TMEM37: variants seen among roughly 807,000 people sequenced by gnomAD.
The protein encoded by TMEM37 is transmembrane protein 37.
Under a neutral mutation model 11.0 loss-of-function variants are expected in TMEM37, and 12 were observed. The ratio of observed to expected loss-of-function variants is 1.09; its 90% confidence interval spans 0.70 to 1.76. The LOEUF (loss-of-function observed/expected upper bound fraction) is 1.76, where lower values mean the gene tolerates loss of function less well. Among genes scored for constraint, TMEM37 ranks in the 40% most tolerant of loss-of-function variants. The pLI is 0.00. For synonymous variants in TMEM37, 127 were observed against 110.5 expected, an observed-to-expected ratio of 1.15 and a Z score of -0.94; for missense variants, 203 against 251.2, an observed-to-expected ratio of 0.81 and a Z score of 1.30.
chr2:119,431,361 C>A (rs1448228669), upstream of TMEM37, among the ~76,000 whole-genome samples: 1 of 152,228 alleles, frequency 6.6e-6, no homozygotes, highest in Non-Finnish European at 1.5e-5. Context: ...CTTTCACATT[C>A]ATTATTTCCC....
Position 119,436,891 on chromosome 2 carries a change from C to G in TMEM37, c.24C>G (p.Ala8=). Residue 8 remains alanine (A), a splice_region_variant and synonymous_variant, in exon 2 of 2, where the codon GCC becomes GCG. Transcript: ENST00000306406. ...GTGCTTCCTACGGTTTTTTCCAGGC[C>G]CAGAGGCCTTTGGGCCAAAGGCAGC... MTAVGVQ[A]QRPLGQRQPR... 1 of 1,611,212 alleles carries G rather than the reference C, an allele frequency of 6.2e-7. No homozygotes were observed. The highest frequency in any genetic ancestry group is 8.5e-7 in the Non-Finnish European group (1 of 1,178,590).
In TMEM37 at chr2:119,437,171, G is replaced by T; in HGVS notation, c.304G>T (p.Ala102Ser). Residue 102 changes from alanine (A) to serine (S), a missense_variant, in exon 2 of 2, where the codon GCC (alanine) becomes TCC (serine). Ala to Ser is a moderately conservative substitution (Grantham distance 99). Coordinates refer to ENST00000306406, the MANE Select transcript of TMEM37 (RefSeq NM_183240.3). Reference sequence around the variant, plus strand: ...CGTGGGCGCCTTGGCCGTGGTGGCCGCCATTTTTGGCCTGGAGTTCCTCAT... The same window carrying T: ...CGTGGGCGCCTTGGCCGTGGTGGCCTCCATTTTTGGCCTGGAGTTCCTCAT... ...RSVGALAVVA[A>S]IFGLEFLMVS... The T allele has an allele frequency of 1.2e-6, 2 of 1,614,234 alleles. No individual in the cohort carries two copies. Among genetic ancestry groups the T allele is most frequent in the South Asian group, 2.2e-5 (2 of 91,088 alleles).
chr2:119,436,663 G>A (rs2587661), intron 1 of TMEM37, among the ~76,000 whole-genome samples: 96,396 of 151,538 alleles, frequency 0.64, 31,025 homozygotes, highest in Non-Finnish European at 0.69. Flanking sequence ...AGGTCAGGAA[G>A]CTCTTAGTGC....
intron 1 of TMEM37, among the ~76,000 whole-genome samples, chr2:119,434,900 T>C (rs1300299139): frequency 6.6e-6 from 1 of 152,180 alleles, no homozygotes; most frequent in African/African-American, 2.4e-5. Flanking sequence ...GGGAGGGCTG[T>C]AAGGGCTCAG....
Position 119,437,470 on chromosome 2 carries a change from C to T in TMEM37, c.*30C>T, listed in dbSNP as rs146624124. 233 of 1,585,296 alleles carry T rather than the reference C, an allele frequency of 1.5e-4. No homozygotes were observed. The East Asian group carries it at 2.3e-3, about 16-fold the overall frequency. On this transcript the variant is annotated 3_prime_UTR_variant, in exon 2 of 2. Coordinates refer to ENST00000306406, the MANE Select transcript of TMEM37 (RefSeq NM_183240.3). ...GGAAATTTTAGGCCCCCTCCAGGGACATCAGATTCCACAAGAAAATATGGT... is the reference window on the plus strand; with the variant it reads ...GGAAATTTTAGGCCCCCTCCAGGGATATCAGATTCCACAAGAAAATATGGT...
upstream of TMEM37, chr2:119,430,161 G>A (rs931355194): frequency 1.7e-5 from 11 of 644,570 alleles, no homozygotes; most frequent in Non-Finnish European, 3.0e-5. Context: ...GAAAGCAGGT[G>A]GGGGCCACGG....
At chr2:119,433,754 T>C (rs1682447144) in intron 1 of TMEM37, among the ~76,000 whole-genome samples, 1 of 152,134 alleles carries the variant, frequency 6.6e-6, no homozygotes, top group African/African-American at 2.4e-5. Context: ...GTCCTCTAGG[T>C]CAGGGGCAGG....
At chr2:119,431,815 G>C (rs991859501), upstream of TMEM37, 22 of 943,428 alleles carry the variant, frequency 2.3e-5, no homozygotes, top group Non-Finnish European at 2.9e-5. Context: ...CAGCCGCCCC[G>C]CCCCTGCGGA....
upstream of TMEM37, chr2:119,430,196 C>T (rs80291336): frequency 0.016 from 10,040 of 642,312 alleles, 106 homozygotes; most frequent in Non-Finnish European, 0.02. Context: ...AGCAGAGAGG[C>T]ACCAGGCTGG....
Position 119,437,373 on chromosome 2 carries a change from C to G in TMEM37, c.506C>G (p.Ser169Cys), listed in dbSNP as rs541407155. The change falls in exon 2 of 2, where the codon TCC becomes TGC. Residue 169 changes from serine (S) to cysteine (C), a missense_variant. By Grantham distance (112) the Ser-to-Cys change is moderately radical. Coordinates refer to ENST00000306406, the MANE Select transcript of TMEM37 (RefSeq NM_183240.3). ...ATGTTTTGGTGCGAATTCACTGCCT[C>G]CTTCCTCCTCTTCCTGAACGCCATC... ...TLMFWCEFTASFLLFLNAISG... is the reference protein window; with the variant it reads ...TLMFWCEFTACFLLFLNAISG... 6.2e-7 allele frequency: 1 copy of G among 1,614,138 alleles called. No homozygotes were observed. Among genetic ancestry groups the G allele is most frequent in the Non-Finnish European group, 8.5e-7 (1 of 1,180,060 alleles).
chr2:119,436,427 G>A (rs1019803599), intron 1 of TMEM37, among the ~76,000 whole-genome samples: 7 of 152,182 alleles, frequency 4.6e-5, no homozygotes, highest in Non-Finnish European at 7.3e-5. Flanking sequence ...CTGGGGAGAT[G>A]GAGGGAAACA....
intron 1 of TMEM37, among the ~76,000 whole-genome samples, chr2:119,433,632 G>A (rs116162200): frequency 2.6e-5 from 4 of 152,244 alleles, no homozygotes; most frequent in Non-Finnish European, 5.9e-5. Context: ...TATTCTATAG[G>A]TCACTAGAAA....
intron 1 of TMEM37, among the ~76,000 whole-genome samples, chr2:119,436,092 G>A (rs959793632): frequency 5.3e-5 from 8 of 152,154 alleles, no homozygotes; most frequent in Non-Finnish European, 1.2e-4. Context: ...TGCAGTGCCC[G>A]GGTGGTGTCC....
rs1469357402 is a variant in TMEM37 at position 119,436,883 on chromosome 2, T to C, written c.22-6T>C. On this transcript the variant is annotated splice_region_variant and splice_polypyrimidine_tract_variant and intron_variant, in intron 1 of 1. Transcript: ENST00000306406. ...CTGACAGGGTGCTTCCTACGGTTTT[T>C]TCCAGGCCCAGAGGCCTTTGGGCCA... The C allele has an allele frequency of 1.2e-6, 2 of 1,607,610 alleles. No individual in the cohort carries two copies. Among genetic ancestry groups the C allele is most frequent in the African/African-American group, 1.3e-5 (1 of 74,580 alleles).
In TMEM37 at chr2:119,437,612, C is replaced by A. The variant is rs374225697; in HGVS notation, c.*172C>A. On this transcript the variant is annotated 3_prime_UTR_variant, in exon 2 of 2. Coordinates refer to ENST00000306406, the MANE Select transcript of TMEM37 (RefSeq NM_183240.3). ...TGGTCAGCCAGAAATGGCCCGGGGG[C>A]CTCTGCACCTGGTCTGCAGGGCCAG... 1.2e-5 allele frequency: 10 copies of A among 813,446 alleles called. No individual in the cohort carries two copies. The African/African-American group carries it at 1.4e-4, about 11-fold the overall frequency. The allele number at this position is 813,446 out of a possible 1,614,324, so 50.4% of individuals were successfully genotyped here.
chr2:119,432,271 C>G (rs1297218586), intron 1 of TMEM37: 1 of 248,970 alleles, frequency 4.0e-6, no homozygotes, highest in Non-Finnish European at 7.6e-6. Context: ...CATAAGGGTC[C>G]CCCTTTGTGA....
At chr2:119,434,801 T>C (rs1682467953) in intron 1 of TMEM37, among the ~76,000 whole-genome samples, 1 of 152,092 alleles carries the variant, frequency 6.6e-6, no homozygotes, top group Non-Finnish European at 1.5e-5. Flanking sequence ...CTCCCCTTTG[T>C]TCTGGGACAT....
At chr2:119,436,529 G>A (rs139169858) in intron 1 of TMEM37, among the ~76,000 whole-genome samples, 3 of 152,098 alleles carry the variant, frequency 2.0e-5, no homozygotes, top group South Asian at 2.1e-4. Flanking sequence ...CAAAGAAACC[G>A]AGGCAGGCTG....
At chr2:119,433,604 A>G (rs1235448366) in intron 1 of TMEM37, among the ~76,000 whole-genome samples, 2 of 152,206 alleles carry the variant, frequency 1.3e-5, no homozygotes, top group African/African-American at 2.4e-5. Flanking sequence ...TCAGTAGCCC[A>G]GTAGTGTCAA....
Sources: allele counts gnomAD v4.1 joint callset (sites outside exome capture counted in the v4.1 genomes callset), GRCh38; gene constraint gnomAD v4.1.1; transcripts MANE v1.5; gene names NCBI Gene and HGNC (gene_info 2026-07-23, HGNC 2026-07-21).